The following RPS6KC1 variants were observed in gnomAD, a reference collection of about 807,000 sequenced individuals.
RPS6KC1 encodes ribosomal protein S6 kinase C1, also known as inactive ribosomal protein S6 kinase delta-1.
Under a neutral mutation model 103.8 loss-of-function variants are expected in RPS6KC1, and 54 were observed. The ratio of observed to expected loss-of-function variants is 0.52; its 90% CI spans 0.42 to 0.65. RPS6KC1 has a LOEUF of 0.65. RPS6KC1 is among the 30% of genes least tolerant of loss of function. RPS6KC1 has a pLI of 0.00. For synonymous variants in RPS6KC1, 439 were observed against 438.7 expected (o/e 1.00, Z -0.01); for missense variants, 1,151 against 1,253.8 (o/e 0.92, Z 1.24).
chr1:213,400,281 A>T, the RPS6KC1 span, among the ~76,000 whole-genome samples: 1 of 152,172 alleles, frequency 6.6e-6, no homozygotes, highest in Non-Finnish European at 1.5e-5. Flanking sequence ...ACGAAACCAC[A>T]TTTATTGAGC....
chr1:213,781,134 G>A, the RPS6KC1 span, among the ~76,000 whole-genome samples: 2 of 152,208 alleles, frequency 1.3e-5, no homozygotes, highest in Non-Finnish European at 2.9e-5. Context: ...ACAGGTGGAG[G>A]CAAGATGAAG....
At chr1:213,823,337 T>C in the RPS6KC1 span, among the ~76,000 whole-genome samples, 4 of 152,238 alleles carry the variant, frequency 2.6e-5, no homozygotes, top group African/African-American at 7.2e-5. Flanking sequence ...GCAAATATTG[T>C]TGTCTCCGTC....
At chr1:213,695,988 T>G in the RPS6KC1 span, among the ~76,000 whole-genome samples, 18 of 152,218 alleles carry the variant, frequency 1.2e-4, no homozygotes, top group African/African-American at 4.1e-4. Context: ...TAAAGTTGAA[T>G]AAGTTGGTAT....
At chr1:213,522,688 T>G in the RPS6KC1 span, among the ~76,000 whole-genome samples, 1 of 152,234 alleles carries the variant, frequency 6.6e-6, no homozygotes. Flanking sequence ...CACCTTGCAC[T>G]TTTATGTTAT....
intron 6 of RPS6KC1, among the ~76,000 whole-genome samples, chr1:213,157,215 A>ATTT (rs566969624): frequency 2.8e-5 from 4 of 141,122 alleles, no homozygotes; most frequent in Admixed American, 7.1e-5. Flanking sequence ...CCAATTTTTA[A>ATTT]TTTTTTTTTT....
At chr1:213,317,156 G>T in the RPS6KC1 span, among the ~76,000 whole-genome samples, 1 of 152,210 alleles carries the variant, frequency 6.6e-6, no homozygotes, top group Non-Finnish European at 1.5e-5. Flanking sequence ...TATAACTTGG[G>T]TGTATGTAAA....
At chr1:213,099,708 A>G (rs1382251561) in intron 3 of RPS6KC1, among the ~76,000 whole-genome samples, 2 of 152,180 alleles carry the variant, frequency 1.3e-5, no homozygotes, top group Non-Finnish European at 2.9e-5. Flanking sequence ...ACTATATATT[A>G]GTTTTGTACA....
Position 213,247,822 on chromosome 1 carries a change from G to A in RPS6KC1, c.2911+5164G>A, listed in dbSNP as rs191616873. 1.8e-4 allele frequency among the ~76,000 whole-genome samples: 27 copies of A among 152,220 alleles called. 1 individual carries two copies. Among genetic ancestry groups the A allele is most frequent in the Admixed American group, 4.6e-4 (7 of 15,280 alleles). On this transcript the variant is annotated intron_variant, in intron 12 of 14. Transcript: ENST00000366960. ...TTAAGGCAGGATTTTCCCCCCAAGG[G>A]TAAATATTGATTTCTTATCTAATGT... is the stretch of plus-strand genomic sequence containing the variant.
At chr1:213,504,661 A>G in the RPS6KC1 span, among the ~76,000 whole-genome samples, 1 of 152,084 alleles carries the variant, frequency 6.6e-6, no homozygotes, top group African/African-American at 2.4e-5. Context: ...ATTAAATTCA[A>G]TTTCCCTCAG....
the RPS6KC1 span, among the ~76,000 whole-genome samples, chr1:213,475,442 C>T: frequency 6.6e-6 from 1 of 152,148 alleles, no homozygotes; most frequent in Non-Finnish European, 1.5e-5. Context: ...GCGTGCTGTG[C>T]CCTGCTCTTC....
rs58728614 is a variant in RPS6KC1, at chr1:213,237,747, A to G, written c.1226-2955A>G. 3.5e-3 allele frequency among the ~76,000 whole-genome samples: 530 copies of G among 152,230 alleles called. 3 individuals carry two copies. Among genetic ancestry groups the G allele is most frequent in the African/African-American group, 0.012 (493 of 41,586 alleles). ...AGACAAAGAGTTTTAATTAAACATT[A>G]TGAATTCTAATTTTTAAATCTTAAA... is the stretch of plus-strand genomic sequence containing the variant. On this transcript the variant is annotated intron_variant, in intron 10 of 14. Transcript: ENST00000366960.
chr1:213,214,656 C>T (rs1043262771), intron 8 of RPS6KC1, among the ~76,000 whole-genome samples: 2 of 152,120 alleles, frequency 1.3e-5, no homozygotes, highest in African/African-American at 4.8e-5. Context: ...CTCACATGGC[C>T]GGGTACTCCT....
chr1:213,543,917 T>C, the RPS6KC1 span, among the ~76,000 whole-genome samples: 4 of 152,184 alleles, frequency 2.6e-5, no homozygotes, highest in African/African-American at 9.7e-5. Context: ...TGCTAAACTT[T>C]CCAGCAGCAC....
chr1:213,394,220 C>G, the RPS6KC1 span, among the ~76,000 whole-genome samples: 3 of 152,266 alleles, frequency 2.0e-5, no homozygotes, highest in African/African-American at 7.2e-5. Context: ...ACCTGGTCTG[C>G]GAGCTCCCTG....
chr1:213,784,316 A>G, the RPS6KC1 span, among the ~76,000 whole-genome samples: 3 of 152,208 alleles, frequency 2.0e-5, no homozygotes, highest in Non-Finnish European at 4.4e-5. Flanking sequence ...CCACTGATTA[A>G]TCCTGTGATC....
At chr1:213,722,618 G>A in the RPS6KC1 span, among the ~76,000 whole-genome samples, 1 of 152,230 alleles carries the variant, frequency 6.6e-6, no homozygotes, top group East Asian at 1.9e-4. Flanking sequence ...GCTAGATGAT[G>A]GCCATCTCCC....
At chr1:213,661,211 G>C in the RPS6KC1 span, among the ~76,000 whole-genome samples, 1 of 152,150 alleles carries the variant, frequency 6.6e-6, no homozygotes, top group Non-Finnish European at 1.5e-5. Flanking sequence ...TAAATAAGTT[G>C]ATAACTATAG....
At position 213,241,555 on chromosome 1, in the gene RPS6KC1, AAATTT is replaced by A; in HGVS notation, c.2081_2085del (p.Asn694ThrfsTer3). ...ATGAAGGAAGACCTGATCTTCTTGT[AAATTT>A]ACCTGGTGAATTGGAGTCAACAAGA... On this transcript the variant is annotated frameshift_variant, in exon 11 of 15. Coordinates refer to ENST00000366960, the MANE Select transcript of RPS6KC1 (RefSeq NM_012424.6). LOFTEE classifies it high-confidence loss of function. 6.2e-7 allele frequency: 1 copy of A among 1,613,980 alleles called. No individual in the cohort carries two copies. Among genetic ancestry groups the A allele is most frequent in the Non-Finnish European group, 8.5e-7 (1 of 1,179,942 alleles).
the RPS6KC1 span, among the ~76,000 whole-genome samples, chr1:213,525,882 C>T: frequency 1.3e-5 from 2 of 151,874 alleles, no homozygotes; most frequent in African/African-American, 4.8e-5. Flanking sequence ...AGACTGGGTC[C>T]AAGAGAAAGT....
Sources: gnomAD v4.1 joint callset for allele counts (sites outside exome capture counted in the v4.1 genomes callset) on GRCh38, gnomAD v4.1.1 for gene constraint, MANE v1.5 for transcripts, NCBI Gene and HGNC (gene_info 2026-07-23, HGNC 2026-07-21) for gene names.